Variants in ROCK2 observed in about 807,000 individuals in gnomAD.
ROCK2 encodes the protein rho-associated protein kinase 2.
A neutral mutation model predicts 195.1 loss-of-function variants in ROCK2; 61 were observed. The ratio of observed to expected loss-of-function variants is 0.31; its 90% CI spans 0.25 to 0.39. The LOEUF (loss-of-function observed/expected upper bound fraction) is 0.39, where lower values mean the gene tolerates loss of function less well. Ranked by LOEUF, ROCK2 falls within the 10% of genes least tolerant of loss-of-function variation. ROCK2 has a pLI of 1.00. For synonymous variants in ROCK2, 504 were observed against 545.5 expected (o/e 0.92, Z 1.06); for missense variants, 1,109 against 1,637.4 (o/e 0.68, Z 5.57).
At chr2:11,317,610 A>ATTTTTT (rs1300312547) in intron 1 of ROCK2, among the ~76,000 whole-genome samples, 1 of 16,814 alleles carries the variant, frequency 5.9e-5, no homozygotes, top group African/African-American at 2.0e-4. Flanking sequence ...ATATATATAT[A>ATTTTTT]TATTTTTTTT....
At chr2:11,299,145 G>A (rs373769479) in intron 1 of ROCK2, among the ~76,000 whole-genome samples, 2 of 151,010 alleles carry the variant, frequency 1.3e-5, no homozygotes, top group East Asian at 2.0e-4. Flanking sequence ...GTGGTGGCAC[G>A]CACCTGTAAT....
At chr2:11,239,966 CA>C (rs1558318891) in intron 4 of ROCK2, among the ~76,000 whole-genome samples, 3 of 152,322 alleles carry the variant, frequency 2.0e-5, no homozygotes, top group African/African-American at 7.2e-5. Context: ...GCACACAGGA[CA>C]AAGTGTGGAA....
intron 9 of ROCK2, among the ~76,000 whole-genome samples, chr2:11,219,272 G>GA (rs1664540244): frequency 7.7e-6 from 1 of 130,156 alleles, no homozygotes; most frequent in South Asian, 2.5e-4. Flanking sequence ...GTCAAGGCGG[G>GA]AAAGATCACC....
At chr2:11,319,846 C>T (rs1052338713) in intron 1 of ROCK2, among the ~76,000 whole-genome samples, 5 of 152,028 alleles carry the variant, frequency 3.3e-5, no homozygotes, top group African/African-American at 2.4e-5. Context: ...TTTTTAAATA[C>T]CACGGATATT....
At chr2:11,213,728 G>A (rs1664328773) in intron 17 of ROCK2, among the ~76,000 whole-genome samples, 1 of 151,742 alleles carries the variant, frequency 6.6e-6, no homozygotes, top group Admixed American at 6.6e-5. Context: ...CTATCCTGCT[G>A]TCAGGTTAGG....
chr2:11,295,981 AGAGAGAGAG>A (rs1214637762), intron 1 of ROCK2, among the ~76,000 whole-genome samples: 76 of 68,522 alleles, frequency 1.1e-3, no homozygotes, highest in African/African-American at 2.7e-3. Context: ...AGAGAGAGAG[AGAGAGAGAG>A]GAGAGAGAGA....
chr2:11,317,612 A>ATATATATATTTTTTTT (rs59701503), intron 1 of ROCK2, among the ~76,000 whole-genome samples: 4 of 19,312 alleles, frequency 2.1e-4, no homozygotes, highest in Admixed American at 8.8e-4. Context: ...ATATATATAT[A>ATATATATATTTTTTTT]TTTTTTTTTT....
chr2:11,193,046 G>A (rs1663490805), intron 30 of ROCK2, among the ~76,000 whole-genome samples: 1 of 152,152 alleles, frequency 6.6e-6, no homozygotes, highest in African/African-American at 2.4e-5. Flanking sequence ...GTTTTTCTGG[G>A]AGAGACTGTT....
intron 1 of ROCK2, among the ~76,000 whole-genome samples, chr2:11,319,503 G>A (rs1572403465): frequency 6.6e-6 from 1 of 152,180 alleles, no homozygotes; most frequent in Admixed American, 6.5e-5. Context: ...ATTTTGGGCT[G>A]AGACGATGGG....
In ROCK2 at chr2:11,192,663, A is replaced by G. The variant is rs1222242642; in HGVS notation, c.3737T>C (p.Val1246Ala). The G allele has an allele frequency of 3.1e-6, 5 of 1,613,946 alleles. No homozygotes were observed. In the Admixed American group the frequency reaches 6.7e-5, roughly 22 times the overall value. ...ATTAGATTTTTCTCCAACTGGCTCC[A>G]CTGGAAATTCTTGTTCCTTCTTACT... ...GESKKEQEFP[V>A]EPVGEKSNYI... The change falls in exon 31 of 33, where the codon GTG becomes GCG. Residue 1246 changes from valine to alanine, a missense_variant. Physicochemically the swap from Val to Ala is moderately conservative, Grantham distance 64. Coordinates refer to ENST00000315872, the MANE Select transcript of ROCK2 (RefSeq NM_004850.5). The surrounding 1 kb of genome is among the most constrained non-coding windows in gnomAD (Gnocchi z 5.0).
intron 16 of ROCK2, 126 bp from the exon 17 acceptor site, chr2:11,214,589 G>A: frequency 1.5e-6 from 1 of 673,926 alleles, no homozygotes; most frequent in South Asian, 2.0e-5. Context: ...TTTTATACTT[G>A]TTGGTATTGT....
chr2:11,326,471 G>A (rs1668554416), intron 1 of ROCK2, among the ~76,000 whole-genome samples: 1 of 152,242 alleles, frequency 6.6e-6, no homozygotes, highest in African/African-American at 2.4e-5. Context: ...AGTGTATGGA[G>A]AAGTGAACAG....
intron 3 of ROCK2, among the ~76,000 whole-genome samples, chr2:11,282,853 G>A (rs1667054110): frequency 1.3e-5 from 2 of 151,916 alleles, no homozygotes; most frequent in African/African-American, 2.4e-5. Flanking sequence ...ACACCCACCT[G>A]ACAAAGGTCT....
In ROCK2 at chr2:11,192,817, A is replaced by G. The variant is rs1663480609; in HGVS notation, c.3688-105T>C. On this transcript the variant is annotated intron_variant, in intron 30 of 32. Coordinates refer to ENST00000315872, the MANE Select transcript of ROCK2 (RefSeq NM_004850.5). The surrounding 1 kb of genome is among the most constrained non-coding windows in gnomAD (Gnocchi z 5.0). The stretch of plus-strand genomic sequence containing the variant: ...AAATAAAATTAGCCTAAATTATTCA[A>G]AGAGAAGAAAATGTATCTGAAGTAC... The G allele has an allele frequency of 7.9e-7, 1 of 1,259,766 alleles. No individual in the cohort carries two copies. The highest frequency in any genetic ancestry group is 1.6e-5 in the South Asian group (1 of 63,950). The allele number at this position is 1,259,766 out of a possible 1,614,324, so 78.0% of individuals were successfully genotyped here.
At chr2:11,295,984 GAGAGAGGAGAGAGAGAGAGAGGAGAGA>G (rs1667506183) in intron 1 of ROCK2, among the ~76,000 whole-genome samples, 1 of 65,452 alleles carries the variant, frequency 1.5e-5, no homozygotes, top group East Asian at 5.5e-4. Context: ...GAGAGAGAGA[GAGAGAGGAGAGAGAGAGAGAGGAGAGA>G]GAGAGAGAGA....
chr2:11,314,164 A>G (rs1322403234), intron 1 of ROCK2, among the ~76,000 whole-genome samples: 2 of 152,084 alleles, frequency 1.3e-5, no homozygotes, highest in East Asian at 3.9e-4. Flanking sequence ...AGCATTTATA[A>G]TGATACCAGA....
Position 11,183,288 on chromosome 2 carries a change from A to T in ROCK2, c.*149T>A. 1.8e-6 allele frequency: 1 copy of T among 547,108 alleles called. No individual in the cohort carries two copies. 33.9% of individuals were successfully genotyped at this position (547,108 alleles called of 1,614,324 possible). Reference sequence around the variant, plus strand: ...CAGATTTGTAATTTATATTACAGGGAAAAGGGGAACACATATATGTATGAG... The same window carrying T: ...CAGATTTGTAATTTATATTACAGGGTAAAGGGGAACACATATATGTATGAG... On this transcript the variant is annotated 3_prime_UTR_variant, in exon 33 of 33. Coordinates refer to ENST00000315872, the MANE Select transcript of ROCK2 (RefSeq NM_004850.5).
At chr2:11,185,872 T>A (rs1663178216) in intron 32 of ROCK2, among the ~76,000 whole-genome samples, 1 of 152,252 alleles carries the variant, frequency 6.6e-6, no homozygotes, top group Non-Finnish European at 1.5e-5. Flanking sequence ...CTGTAATCAC[T>A]ATTGTCAGTG....
chr2:11,280,193 A>C (rs1197327307), intron 3 of ROCK2, among the ~76,000 whole-genome samples: 1 of 152,118 alleles, frequency 6.6e-6, no homozygotes, highest in Non-Finnish European at 1.5e-5. Context: ...AAATCAATGA[A>C]ACTAAAAGCT....
Sources: gnomAD v4.1 joint callset for allele counts (sites outside exome capture counted in the v4.1 genomes callset) on GRCh38, gnomAD v4.1.1 for gene constraint, Gnocchi (gnomAD v3.1) non-coding constraint, MANE v1.5 for transcripts, NCBI Gene and HGNC (gene_info 2026-07-23, HGNC 2026-07-21) for gene names.